MORN1: variants seen among roughly 807,000 people sequenced by gnomAD.
MORN1 encodes MORN repeat containing 1.
In MORN1, 67 loss-of-function variants were observed where a neutral mutation model predicts 61.9. The observed-to-expected ratio is 1.08, with a 90% CI of 0.89 to 1.33. The LOEUF (loss-of-function observed/expected upper bound fraction) is 1.33, where lower values mean the gene tolerates loss of function less well. Ranked by LOEUF, MORN1 falls within the 40% of genes most tolerant of loss-of-function variation. The pLI is 0.00. For synonymous variants in MORN1, 301 were observed against 292.0 expected, an observed-to-expected ratio of 1.03 and a Z score of -0.31; for missense variants, 752 against 691.2, an observed-to-expected ratio of 1.09 and a Z score of -0.99.
chr1:2,384,239 C>G (rs1019928257), intron 6 of MORN1, among the ~76,000 whole-genome samples: 5 of 152,196 alleles, frequency 3.3e-5, no homozygotes, highest in Non-Finnish European at 7.3e-5. Flanking sequence ...AGCTCAGGCA[C>G]CAACCTTGAC....
rs1490218111 is a variant in MORN1, at chr1:2,348,835, G to A, written c.1036+8597C>T. Among the ~76,000 whole-genome samples, 4 of 150,952 alleles carry A rather than the reference G, an allele frequency of 2.6e-5. 1 individual carries two copies. The highest frequency in any genetic ancestry group is 1.3e-4 in the Admixed American group (2 of 15,160). On this transcript the variant is annotated intron_variant, in intron 10 of 13. Transcript: ENST00000378531. ...GGCACGCACACACACGCACGCACACGCACACCTGCGCGGGCACGCACAGTC... is the reference window on the plus strand; with the variant it reads ...GGCACGCACACACACGCACGCACACACACACCTGCGCGGGCACGCACAGTC...
intron 13 of MORN1, chr1:2,323,151 A>G (rs1345570138): frequency 8.1e-6 from 8 of 985,226 alleles, no homozygotes; most frequent in East Asian, 1.1e-4. Flanking sequence ...GACGCGGTGG[A>G]CCGGTTGATG....
intron 12 of MORN1, among the ~76,000 whole-genome samples, chr1:2,327,127 AAC>A (rs1457617089): frequency 4.3e-5 from 6 of 139,640 alleles, no homozygotes; most frequent in Admixed American, 2.1e-4. Flanking sequence ...CACAGAAACA[AAC>A]ACAGAAACAC....
At chr1:2,327,424 ACAGAAACACAGCGACG>A (rs1450671032) in intron 12 of MORN1, among the ~76,000 whole-genome samples, 1 of 152,246 alleles carries the variant, frequency 6.6e-6, no homozygotes, top group African/African-American at 2.4e-5. Flanking sequence ...ACACAGAGAC[ACAGAAACACAGCGACG>A]CAGAAACACA....
At chr1:2,391,402 AC>A in intron 1 of MORN1, 55 bp downstream of exon 1, 2 of 1,251,160 alleles carry the variant, frequency 1.6e-6, no homozygotes, top group Non-Finnish European at 2.0e-6. Context: ...GAGCGATCGC[AC>A]CCTGAATGGA....
chr1:2,349,626 T>C (rs1641603621), intron 10 of MORN1, among the ~76,000 whole-genome samples: 3 of 152,228 alleles, frequency 2.0e-5, no homozygotes, highest in Non-Finnish European at 4.4e-5. Context: ...TCTGCCATAA[T>C]TAACCATAGA....
Position 2,348,004 on chromosome 1 carries a change from G to A in MORN1, c.1036+9428C>T, listed in dbSNP as rs534032624. ...CCCAGCACAGCCGTCCCGGGGCAGG[G>A]CACGCCTCGGGGTCAGACCCCAGCC... is the stretch of plus-strand genomic sequence containing the variant. On this transcript the variant is annotated intron_variant, in intron 10 of 13. Transcript: ENST00000378531. 1.2e-4 allele frequency among the ~76,000 whole-genome samples: 19 copies of A among 152,316 alleles called. No homozygotes were observed. The East Asian group carries it at 3.7e-3, about 29-fold the overall frequency.
At chr1:2,381,226 C>T (rs965773714) in intron 6 of MORN1, among the ~76,000 whole-genome samples, 8 of 152,366 alleles carry the variant, frequency 5.3e-5, no homozygotes, top group African/African-American at 9.6e-5. Flanking sequence ...GAGGCGGCCC[C>T]GGCCCAGTCC....
chr1:2,321,928 T>C (rs973180750), intron 13 of MORN1: 25 of 828,746 alleles, frequency 3.0e-5, no homozygotes, highest in Non-Finnish European at 3.3e-5. Flanking sequence ...CTGACCTGGC[T>C]ACAGGTCCCT....
chr1:2,382,351 C>T (rs1430995954), intron 6 of MORN1, among the ~76,000 whole-genome samples: 1 of 152,192 alleles, frequency 6.6e-6, no homozygotes, highest in African/African-American at 2.4e-5. Context: ...CCTAGCACCT[C>T]AGCTTCCTCA....
chr1:2,323,420 C>T (rs957984172), intron 13 of MORN1: 5 of 985,306 alleles, frequency 5.1e-6, no homozygotes, highest in African/African-American at 3.5e-5. Flanking sequence ...TTCATGTTGG[C>T]CCAGGTGACA....
intron 12 of MORN1, among the ~76,000 whole-genome samples, chr1:2,335,996 T>C (rs147675045): frequency 5.5e-4 from 83 of 152,214 alleles, no homozygotes; most frequent in Non-Finnish European, 1.0e-3. Flanking sequence ...AGGCCCAGGA[T>C]GGTGAGATGT....
In MORN1 at chr1:2,387,690, G is replaced by A. The variant is rs981494356; in HGVS notation, c.248-161C>T. The A allele has an allele frequency of 1.1e-5, 7 of 622,490 alleles. No homozygotes were observed. In the African/African-American group the frequency reaches 1.3e-4, roughly 11 times the overall value. The allele number at this position is 622,490 out of a possible 1,614,324, so 38.6% of individuals were successfully genotyped here. On this transcript the variant is annotated intron_variant, in intron 3 of 13. Transcript: ENST00000378531. ...CAGTCTGCTTCATGAGGGAAAACAT[G>A]GTAAGCAGGTCTGGTCTCCCCAACA...
intron 1 of MORN1, 76 bp from the exon 2 acceptor site, chr1:2,390,072 G>A: frequency 7.2e-7 from 1 of 1,397,432 alleles, no homozygotes; most frequent in Non-Finnish European, 1.0e-6. Context: ...GAAGGAGGGA[G>A]TGCAGCTCCC....
At chr1:2,368,946 AC>A (rs1642051641) in intron 8 of MORN1, among the ~76,000 whole-genome samples, 1 of 151,874 alleles carries the variant, frequency 6.6e-6, no homozygotes, top group South Asian at 2.1e-4. Context: ...AGTGCCAGCT[AC>A]TTGGGAGGCT....
intron 1 of MORN1, among the ~76,000 whole-genome samples, 200 bp from the exon 2 acceptor site, chr1:2,390,196 G>A (rs933563748): frequency 6.6e-6 from 1 of 152,184 alleles, no homozygotes; most frequent in African/African-American, 2.4e-5. Flanking sequence ...ATTTGTTTAT[G>A]TGACAAGGAT....
At chr1:2,323,820 C>T in intron 13 of MORN1, 2 of 985,316 alleles carry the variant, frequency 2.0e-6, no homozygotes, top group Non-Finnish European at 2.4e-6. Context: ...GCTCCCTGCC[C>T]CCGTGGCTTC....
chr1:2,362,820 C>T (rs12062129), intron 8 of MORN1, among the ~76,000 whole-genome samples: 1,759 of 151,778 alleles, frequency 0.012, 42 homozygotes, highest in African/African-American at 0.04. Context: ...GCCGAGATCG[C>T]GCCATTGCAC....
chr1:2,379,069 C>T (rs140313684), intron 6 of MORN1: 63 of 471,108 alleles, frequency 1.3e-4, no homozygotes, highest in African/African-American at 1.1e-3. Flanking sequence ...TTAAGGAATA[C>T]TGGCTGCAAG....
Sources: allele counts gnomAD v4.1 joint callset (sites outside exome capture counted in the v4.1 genomes callset), GRCh38; gene constraint gnomAD v4.1.1; transcripts MANE v1.5; gene names NCBI Gene and HGNC (gene_info 2026-07-23, HGNC 2026-07-21).